The following IGF2BP2 variants were observed in gnomAD, a reference collection of about 807,000 sequenced individuals.
The protein encoded by IGF2BP2 is insulin-like growth factor 2 mRNA-binding protein 2.
IGF2BP2 carries 17 observed loss-of-function variants against 75.8 expected under a neutral mutation model. That is an observed-to-expected ratio of 0.22 (90% confidence interval 0.15 to 0.34). The LOEUF (loss-of-function observed/expected upper bound fraction) is 0.34. Ranked by LOEUF, IGF2BP2 falls within the 10% of genes least tolerant of loss-of-function variation. The pLI is 1.00. For synonymous variants in IGF2BP2, 288 were observed against 295.6 expected (o/e 0.97, Z 0.26); for missense variants, 516 against 772.4 (o/e 0.67, Z 3.93).
intron 2 of IGF2BP2, among the ~76,000 whole-genome samples, chr3:185,782,709 C>T (rs1409158493): frequency 1.3e-5 from 2 of 152,140 alleles, no homozygotes; most frequent in Middle Eastern, 3.2e-3. Flanking sequence ...AAAATAGCTA[C>T]ATAACTGTGT....
At chr3:185,768,260 CT>C (rs1733364191) in intron 2 of IGF2BP2, among the ~76,000 whole-genome samples, 1 of 152,182 alleles carries the variant, frequency 6.6e-6, no homozygotes. Context: ...AAGAGTATCT[CT>C]ATTGTTAATT....
chr3:185,671,677 G>A (rs1224639197), intron 10 of IGF2BP2, among the ~76,000 whole-genome samples: 2 of 152,120 alleles, frequency 1.3e-5, no homozygotes, highest in Non-Finnish European at 2.9e-5. Context: ...TGGCACAGGG[G>A]ATTCATCCTG....
intron 2 of IGF2BP2, among the ~76,000 whole-genome samples, chr3:185,790,693 T>A (rs899127681): frequency 2.0e-5 from 3 of 152,196 alleles, no homozygotes; most frequent in Non-Finnish European, 2.9e-5. Context: ...GAGCTATGAA[T>A]AGAAACAGTA....
intron 1 of IGF2BP2, 83 bp from the exon 2 acceptor site, chr3:185,823,296 C>T: frequency 3.7e-6 from 4 of 1,076,422 alleles, no homozygotes; most frequent in Non-Finnish European, 4.1e-6. Context: ...CGGAACTCCA[C>T]GCTCGGGCTC....
Position 185,784,267 on chromosome 3 carries a change from T to TAGATAGACAGACAGACAGAC in IGF2BP2, c.239+38885_239+38886insGTCTGTCTGTCTGTCTATCT, listed in dbSNP as rs144352498. Among the ~76,000 whole-genome samples, 273 of 151,730 alleles carry TAGATAGACAGACAGACAGAC rather than the reference T, an allele frequency of 1.8e-3. 1 individual carries two copies. Among genetic ancestry groups the TAGATAGACAGACAGACAGAC allele is most frequent in the African/African-American group, 6.2e-3 (255 of 41,232 alleles). ...ATAAACAAGTAGATAGATAGATAGA[T>TAGATAGACAGACAGACAGAC]AGACAGACAGACAGACAGACAAAGT... On this transcript the variant is annotated intron_variant, in intron 2 of 15. Coordinates refer to ENST00000382199, the MANE Select transcript of IGF2BP2 (RefSeq NM_006548.6).
chr3:185,784,601 G>A (rs933616350), intron 2 of IGF2BP2, among the ~76,000 whole-genome samples: 10 of 152,254 alleles, frequency 6.6e-5, no homozygotes, highest in African/African-American at 2.4e-4. Flanking sequence ...CCCATGCAAT[G>A]AATGCTGTTC....
chr3:185,738,862 G>C (rs1413282257), intron 2 of IGF2BP2, among the ~76,000 whole-genome samples: 2 of 152,110 alleles, frequency 1.3e-5, no homozygotes, highest in Non-Finnish European at 2.9e-5. Context: ...GCTTGAAGAG[G>C]ACCTTTAATC....
At chr3:185,795,679 G>A (rs1266009451) in intron 2 of IGF2BP2, among the ~76,000 whole-genome samples, 4 of 152,114 alleles carry the variant, frequency 2.6e-5, no homozygotes, top group African/African-American at 4.8e-5. Flanking sequence ...TCAGGAGTTC[G>A]AGACCAGCCT....
rs554674699 is a variant in IGF2BP2 at position 185,812,734 on chromosome 3, G to C, written c.239+10419C>G. On this transcript the variant is annotated intron_variant, in intron 2 of 15. Coordinates refer to ENST00000382199, the MANE Select transcript of IGF2BP2 (RefSeq NM_006548.6). ...AACAGCAACAAATGCAGTTGTCTTC[G>C]TATTGGGCAGTGGGTAAGAAGCCAG... 2.0e-4 allele frequency among the ~76,000 whole-genome samples: 30 copies of C among 152,264 alleles called. No homozygotes were observed. In the South Asian group the frequency reaches 5.2e-3, roughly 26 times the overall value.
intron 3 of IGF2BP2, among the ~76,000 whole-genome samples, chr3:185,697,041 C>T (rs1027128042): frequency 6.6e-6 from 1 of 152,218 alleles, no homozygotes; most frequent in African/African-American, 2.4e-5. Context: ...AGGATCTCTT[C>T]ATTTTACAAG....
At chr3:185,747,650 G>A (rs1431409132) in intron 2 of IGF2BP2, among the ~76,000 whole-genome samples, 1 of 151,978 alleles carries the variant, frequency 6.6e-6, no homozygotes, top group Non-Finnish European at 1.5e-5. Context: ...TTGCACGCCA[G>A]CCTGGGCGAC....
At chr3:185,824,163 A>AGGGCTG (rs898760783) in intron 1 of IGF2BP2, among the ~76,000 whole-genome samples, 1 of 137,392 alleles carries the variant, frequency 7.3e-6, no homozygotes, top group African/African-American at 2.8e-5. Context: ...CCGTCGTGCG[A>AGGGCTG]GGGCTGGGGC....
In IGF2BP2 at chr3:185,645,302, C is replaced by G. The variant is rs1329335468; in HGVS notation, c.*229G>C. 1.8e-6 allele frequency: 1 copy of G among 548,072 alleles called. No homozygotes were observed. Among genetic ancestry groups the G allele is most frequent in the Non-Finnish European group, 3.3e-6 (1 of 307,218 alleles). 34.0% of individuals were successfully genotyped at this position (548,072 alleles called of 1,614,324 possible). On this transcript the variant is annotated 3_prime_UTR_variant, in exon 16 of 16. Coordinates refer to ENST00000382199, the MANE Select transcript of IGF2BP2 (RefSeq NM_006548.6). The surrounding 1 kb of genome is among the most constrained non-coding windows in gnomAD (Gnocchi z 4.9). ...TGAAGCCTGCAGAAGCCCTGGGGGG[C>G]GGGAGGCGGGGCTCGGTGGTTCTGG...
chr3:185,764,322 C>T (rs1732770594), intron 2 of IGF2BP2, among the ~76,000 whole-genome samples: 1 of 152,064 alleles, frequency 6.6e-6, no homozygotes, highest in South Asian at 2.1e-4. Flanking sequence ...CTCATCAGGG[C>T]TATGCTTTAG....
intron 2 of IGF2BP2, among the ~76,000 whole-genome samples, chr3:185,795,042 C>T (rs1261436331): frequency 1.3e-5 from 2 of 152,006 alleles, no homozygotes; most frequent in Admixed American, 1.3e-4. Context: ...GAACTACAGG[C>T]GCCCACCACC....
chr3:185,722,622 A>G (rs1726739848), intron 2 of IGF2BP2: 1 of 184,146 alleles, frequency 5.4e-6, no homozygotes, highest in Non-Finnish European at 1.1e-5. Context: ...TAATCAAACT[A>G]AGAAAAATCA....
At chr3:185,792,590 C>G (rs1315443699) in intron 2 of IGF2BP2, among the ~76,000 whole-genome samples, 1 of 151,718 alleles carries the variant, frequency 6.6e-6, no homozygotes, top group Non-Finnish European at 1.5e-5. Flanking sequence ...ATGGTGAAAC[C>G]CCATCTCTAC....
At chr3:185,692,590 A>G (rs75108905) in intron 5 of IGF2BP2, 109 bp downstream of exon 5, 2 of 966,372 alleles carry the variant, frequency 2.1e-6, no homozygotes, top group Non-Finnish European at 3.2e-6. Context: ...GCACATATCC[A>G]GCTCAAAGAT....
At chr3:185,729,580 A>G (rs1284403471) in intron 2 of IGF2BP2, 1 of 152,220 alleles carries the variant, frequency 6.6e-6, no homozygotes, top group Non-Finnish European at 1.5e-5. Flanking sequence ...CAGTGACTCA[A>G]TATTTTCCAA....
Sources: allele counts gnomAD v4.1 joint callset (sites outside exome capture counted in the v4.1 genomes callset), GRCh38; gene constraint gnomAD v4.1.1; non-coding constraint Gnocchi (gnomAD v3.1); transcripts MANE v1.5; gene names NCBI Gene and HGNC (gene_info 2026-07-23, HGNC 2026-07-21).